GRIN1: variants seen among roughly 807,000 people sequenced by gnomAD.
GRIN1 encodes the protein glutamate ionotropic receptor NMDA type subunit 1, also known as glutamate receptor ionotropic, NMDA 1.
In GRIN1, 38 loss-of-function variants were observed where a neutral mutation model predicts 103.0. That is an observed-to-expected ratio of 0.37 (90% CI 0.28 to 0.48). The LOEUF is 0.48. GRIN1 is among the 20% of genes least tolerant of loss of function. GRIN1 has a pLI of 0.98. For missense variants in GRIN1, 577 were observed against 1,288.9 expected, an observed-to-expected ratio of 0.45 and a Z score of 8.46; for synonymous variants, 544 against 532.7, an observed-to-expected ratio of 1.02 and a Z score of -0.29.
rs1833244322 is a variant in GRIN1 at position 137,156,716 on chromosome 9, T to A, written c.719T>A (p.Met240Lys). The A allele has an allele frequency of 6.3e-7, 1 of 1,593,636 alleles. No homozygotes were observed. Among genetic ancestry groups the A allele is most frequent in the Non-Finnish European group, 8.5e-7 (1 of 1,171,188 alleles). ...TVYRAAAMLN[M>K]TGSGYVWLVG... ...TACCGCGCAGCCGCGATGCTGAACA[T>A]GACGGGCTCCGGGTACGTGTGGCTG... The change falls in exon 5 of 20, where the codon ATG (methionine) becomes AAG (lysine). Residue 240 changes from methionine to lysine, a missense_variant. Met to Lys is a moderately conservative substitution (Grantham distance 95). This residue lies in a region of GRIN1 where 308 missense variants were observed against 553.6 expected (regional missense o/e 0.56). Transcript: ENST00000371561.
intron 2 of GRIN1, among the ~76,000 whole-genome samples, chr9:137,144,405 A>G (rs922570878): frequency 1.3e-5 from 2 of 151,422 alleles, no homozygotes; most frequent in African/African-American, 4.9e-5. Context: ...CTGTAATCCC[A>G]GCACTTTGGG....
At chr9:137,143,123 G>A (rs1430413258) in intron 2 of GRIN1, among the ~76,000 whole-genome samples, 2 of 152,264 alleles carry the variant, frequency 1.3e-5, no homozygotes, top group South Asian at 4.1e-4. Context: ...TTTGGTGCCA[G>A]CGCTGAGGAG....
Position 137,149,259 on chromosome 9 carries a change from C to A in GRIN1, c.671+150C>A, listed in dbSNP as rs540858697. The A allele has an allele frequency of 5.8e-6, 4 of 689,240 alleles. No individual in the cohort carries two copies. In the Admixed American group the frequency reaches 6.1e-5, roughly 10 times the overall value. The allele number at this position is 689,240 out of a possible 1,614,324, so 42.7% of individuals were successfully genotyped here. ...AAGGACAGCCACCCCCACCCCCACC[C>A]GCACCCACACTCCTATCGGCATGGC... On this transcript the variant is annotated intron_variant, in intron 4 of 19. Coordinates refer to ENST00000371561, the MANE Select transcript of GRIN1 (RefSeq NM_007327.4).
At chr9:137,143,959 C>T (rs1053758711) in intron 2 of GRIN1, among the ~76,000 whole-genome samples, 1 of 152,260 alleles carries the variant, frequency 6.6e-6, no homozygotes, top group Non-Finnish European at 1.5e-5. Flanking sequence ...CCAGGAAAAG[C>T]AAGCCAGGGC....
intron 4 of GRIN1, among the ~76,000 whole-genome samples, chr9:137,153,683 A>G (rs1224194721): frequency 6.6e-6 from 1 of 152,146 alleles, no homozygotes; most frequent in Non-Finnish European, 1.5e-5. Flanking sequence ...ACATGCACAT[A>G]CATCACAACA....
chr9:137,160,841 C>A (rs555992955), intron 8 of GRIN1, among the ~76,000 whole-genome samples: 5 of 152,186 alleles, frequency 3.3e-5, no homozygotes, highest in African/African-American at 4.8e-5. Context: ...TGCAGGCAGA[C>A]GATGCTGACG....
At chr9:137,155,333 C>T (rs1012124834) in intron 4 of GRIN1, among the ~76,000 whole-genome samples, 7 of 152,200 alleles carry the variant, frequency 4.6e-5, no homozygotes, top group East Asian at 1.9e-4. Flanking sequence ...GTTCAGTGTG[C>T]GGAGCCTCTG....
intron 2 of GRIN1, 86 bp downstream of exon 2, chr9:137,142,233 C>A: frequency 7.3e-7 from 1 of 1,364,392 alleles, no homozygotes; most frequent in South Asian, 1.2e-5. Flanking sequence ...CCGACCCGCT[C>A]ACATGGAACT....
chr9:137,153,706 A>T (rs1247722942), intron 4 of GRIN1, among the ~76,000 whole-genome samples: 1 of 152,098 alleles, frequency 6.6e-6, no homozygotes, highest in African/African-American at 2.4e-5. Context: ...CATGCGCACC[A>T]CACACCATGT....
rs1239167934 is a variant in GRIN1 at position 137,139,576 on chromosome 9, C to T, written c.90C>T (p.Gly30=). Residue 30 remains glycine (G), a synonymous_variant, in exon 1 of 20, where the codon GGC becomes GGT. Coordinates refer to ENST00000371561, the MANE Select transcript of GRIN1 (RefSeq NM_007327.4). The surrounding 1 kb of genome is among the most constrained non-coding windows in gnomAD (Gnocchi z 7.7). Reference sequence around the variant, plus strand: ...GCGACCCCAAGATCGTCAACATTGGCGCGGTGCTGAGCACGCGGAAGCACG... The same window carrying T: ...GCGACCCCAAGATCGTCAACATTGGTGCGGTGCTGAGCACGCGGAAGCACG... ...AACDPKIVNI[G]AVLSTRKHEQ... is the part of the protein sequence containing the mutation. 1 of 1,613,180 alleles carries T rather than the reference C, an allele frequency of 6.2e-7. No homozygotes were observed. The highest frequency in any genetic ancestry group is 8.5e-7 in the Non-Finnish European group (1 of 1,179,828).
intron 17 of GRIN1, 39 bp downstream of exon 17, chr9:137,163,707 T>C (rs200470147): frequency 3.1e-6 from 5 of 1,613,436 alleles, no homozygotes; most frequent in Non-Finnish European, 4.2e-6. Context: ...GGGTTCTCCG[T>C]GGGCTGCGGC....
At chr9:137,148,349 C>A in intron 3 of GRIN1, 1 of 634,612 alleles carries the variant, frequency 1.6e-6, no homozygotes, top group South Asian at 1.9e-5. Context: ...CGGCAGCAGG[C>A]AGGAGAGGGC....
rs932956894 is a variant in GRIN1 at position 137,161,051 on chromosome 9, C to T, written c.1198-5C>T. The T allele has an allele frequency of 6.2e-7, 1 of 1,612,746 alleles. No individual in the cohort carries two copies. The highest frequency in any genetic ancestry group is 1.7e-5 in the Admixed American group (1 of 60,010). On this transcript the variant is annotated splice_region_variant and splice_polypyrimidine_tract_variant and intron_variant, in intron 8 of 19. Transcript: ENST00000371561. ...GTCCAGGCTGGGTCTCCCCTTCCCC[C>T]CCAGATTGTGACGATCCACCAGGAG... is the stretch of plus-strand genomic sequence containing the variant.
At chr9:137,142,310 A>G (rs1437437880) in intron 2 of GRIN1, among the ~76,000 whole-genome samples, 163 bp downstream of exon 2, 1 of 152,220 alleles carries the variant, frequency 6.6e-6, no homozygotes, top group Non-Finnish European at 1.5e-5. Context: ...CACGTGTCCA[A>G]CTCACACATC....
chr9:137,144,697 G>A (rs1279118087), intron 2 of GRIN1, among the ~76,000 whole-genome samples: 2 of 144,716 alleles, frequency 1.4e-5, no homozygotes, highest in East Asian at 2.0e-4. Context: ...GGAGACAGGA[G>A]GGGGTCCCAG....
rs543160973 is a variant in GRIN1, at chr9:137,154,432, CTTTTTTTTTTTTTTTT to C, written c.672-2213_672-2198del. Reference sequence around the variant, plus strand: ...CAGCCACCACCCCCAGCTCCAACAACTTTTTTTTTTTTTTTTTTTTTTTTTTTTTTTTTTTTTTTAA... The same window carrying C: ...CAGCCACCACCCCCAGCTCCAACAACTTTTTTTTTTTTTTTTTTTTTTTAA... On this transcript the variant is annotated intron_variant, in intron 4 of 19. Coordinates refer to ENST00000371561, the MANE Select transcript of GRIN1 (RefSeq NM_007327.4). Among the ~76,000 whole-genome samples, 28 of 43,010 alleles carry C rather than the reference CTTTTTTTTTTTTTTTT, an allele frequency of 6.5e-4. 2 individuals carry two copies. The highest frequency in any genetic ancestry group is 3.8e-3 in the South Asian group (3 of 794). The allele number at this position is 43,010 out of a possible 152,430, so 28.2% of individuals were successfully genotyped here.
chr9:137,163,923 C>G lies in GRIN1; in HGVS notation c.2589+19C>G. ...CCTGCAGGTAGGGCAGGCCACCCTC[C>G]GAGGCCTGGTGCCCAGGGCCCGGCC... On this transcript the variant is annotated intron_variant, in intron 18 of 19. Transcript: ENST00000371561. The G allele has an allele frequency of 6.2e-7, 1 of 1,611,604 alleles. No homozygotes were observed.
chr9:137,158,751 C>T (rs766631262), intron 8 of GRIN1, 47 bp downstream of exon 8: 3 of 1,353,004 alleles, frequency 2.2e-6, no homozygotes, highest in East Asian at 2.3e-5. Context: ...CCAGACAGCC[C>T]ATCCACCCCC....
At chr9:137,156,083 C>A (rs1011602260) in intron 4 of GRIN1, among the ~76,000 whole-genome samples, 1 of 152,224 alleles carries the variant, frequency 6.6e-6, no homozygotes, top group Non-Finnish European at 1.5e-5. Context: ...CTGACTCTGC[C>A]ACTTACCAAC....
Sources: gnomAD v4.1 joint callset for allele counts (sites outside exome capture counted in the v4.1 genomes callset) on GRCh38, gnomAD v4.1.1 for gene constraint, gnomAD v4.1.1 regional missense constraint, Gnocchi (gnomAD v3.1) non-coding constraint, MANE v1.5 for transcripts, NCBI Gene and HGNC (gene_info 2026-07-23, HGNC 2026-07-21) for gene names.